Variants in ADGRE3 observed in about 807,000 individuals in gnomAD.
The protein encoded by ADGRE3 is adhesion G protein-coupled receptor E3.
A neutral mutation model predicts 80.1 loss-of-function variants in ADGRE3; 88 were observed. The observed-to-expected ratio is 1.10, with a 90% CI of 0.93 to 1.31. ADGRE3 has a LOEUF of 1.31. Among genes scored for constraint, ADGRE3 ranks in the 40% most tolerant of loss-of-function variants. The probability of loss-of-function intolerance (pLI) is 0.00; values close to 1 mark genes in which losing one functional copy is unlikely to be tolerated. For missense variants in ADGRE3, 715 were observed against 776.5 expected, an observed-to-expected ratio of 0.92 and a Z score of 0.94; for synonymous variants, 281 against 294.8, an observed-to-expected ratio of 0.95 and a Z score of 0.48.
chr19:14,662,371 G>T (rs535275267), intron 3 of ADGRE3, among the ~76,000 whole-genome samples: 1 of 152,114 alleles, frequency 6.6e-6, no homozygotes, highest in African/African-American at 2.4e-5. Flanking sequence ...GAGGGCAGTC[G>T]CGAAATGAAA....
At chr19:14,661,736 G>C (rs1265792060) in intron 4 of ADGRE3, among the ~76,000 whole-genome samples, 1 of 152,060 alleles carries the variant, frequency 6.6e-6, no homozygotes, top group Non-Finnish European at 1.5e-5. Flanking sequence ...GATGAGGAGC[G>C]TGGATCAAGA....
intron 8 of ADGRE3, among the ~76,000 whole-genome samples, chr19:14,646,897 AG>A (rs1363895090): frequency 6.6e-6 from 1 of 151,786 alleles, no homozygotes; most frequent in Non-Finnish European, 1.5e-5. Flanking sequence ...CAGCCTCCCG[AG>A]TAGCTGGAAG....
intron 14 of ADGRE3, among the ~76,000 whole-genome samples, chr19:14,628,154 C>A (rs1040947749): frequency 6.6e-6 from 1 of 150,778 alleles, no homozygotes; most frequent in Non-Finnish European, 1.5e-5. Flanking sequence ...AACAAAACAA[C>A]AAAAAAACGA....
At chr19:14,663,025 CA>C (rs1971996429) in intron 3 of ADGRE3, among the ~76,000 whole-genome samples, 1 of 151,630 alleles carries the variant, frequency 6.6e-6, no homozygotes, top group Non-Finnish European at 1.5e-5. Context: ...TTATTTTGAT[CA>C]GAGTCTCGAT....
intron 1 of ADGRE3, among the ~76,000 whole-genome samples, chr19:14,671,104 G>A (rs899861269): frequency 1.3e-5 from 2 of 152,210 alleles, no homozygotes; most frequent in African/African-American, 4.8e-5. Context: ...GGCTAACTGT[G>A]TGACTCTTCA....
intron 6 of ADGRE3, among the ~76,000 whole-genome samples, chr19:14,654,022 G>A (rs967636991): frequency 1.3e-5 from 2 of 148,776 alleles, no homozygotes; most frequent in African/African-American, 2.5e-5. Flanking sequence ...ATGTGATCTC[G>A]GCTCACTGCA....
intron 11 of ADGRE3, among the ~76,000 whole-genome samples, chr19:14,636,080 C>CT (rs1568481116): frequency 2.3e-5 from 1 of 42,622 alleles, no homozygotes; most frequent in Non-Finnish European, 4.7e-5. Flanking sequence ...CCTTTCCTTT[C>CT]CCTTTCTTTC....
chr19:14,648,218 T>G (rs1971470209), intron 7 of ADGRE3, among the ~76,000 whole-genome samples: 1 of 152,016 alleles, frequency 6.6e-6, no homozygotes, highest in African/African-American at 2.4e-5. Context: ...GTAGGTACGG[T>G]GGGCACCCTG....
intron 7 of ADGRE3, 22 bp downstream of exon 7, chr19:14,651,063 T>C: frequency 6.2e-6 from 10 of 1,613,814 alleles, no homozygotes; most frequent in Non-Finnish European, 8.5e-6. Context: ...TGAAGGATTC[T>C]GAATGCAGCC....
At chr19:14,605,982 C>G in the ADGRE3 span, among the ~76,000 whole-genome samples, 2 of 152,086 alleles carry the variant, frequency 1.3e-5, no homozygotes, top group Non-Finnish European at 1.5e-5. Context: ...TCAAGCGATC[C>G]TCCCTCCTTG....
At chr19:14,659,066 C>T (rs1186627791) in intron 4 of ADGRE3, among the ~76,000 whole-genome samples, 4 of 147,836 alleles carry the variant, frequency 2.7e-5, no homozygotes, top group African/African-American at 1.0e-4. Flanking sequence ...GATAGGGTCT[C>T]ATTCTGCTGC....
rs916325882 is a variant in ADGRE3 at position 14,665,055 on chromosome 19, A to ATT, written c.77-1517_77-1516dup. ...ACAGCTTCACATGTGGAGCAACCTC[A>ATT]TTTTTTTTTTTTTTTTTTTTTTTTT... is the stretch of plus-strand genomic sequence containing the variant. On this transcript the variant is annotated intron_variant, in intron 2 of 15. Transcript: ENST00000253673. Among the ~76,000 whole-genome samples, 206 of 89,824 alleles carry ATT rather than the reference A, an allele frequency of 2.3e-3. 10 individuals are homozygous for ATT. The highest frequency in any genetic ancestry group is 5.4e-3 in the Middle Eastern group (1 of 186). The allele number at this position is 89,824 out of a possible 152,430, so 58.9% of individuals were successfully genotyped here.
chr19:14,631,061 G>A (rs906507855), intron 13 of ADGRE3, among the ~76,000 whole-genome samples: 15 of 151,764 alleles, frequency 9.9e-5, no homozygotes, highest in Admixed American at 2.6e-4. Context: ...TAGTAGAGAA[G>A]GGGTTTCACC....
the ADGRE3 span, among the ~76,000 whole-genome samples, chr19:14,612,872 G>A: frequency 6.6e-6 from 1 of 151,900 alleles, no homozygotes; most frequent in Non-Finnish European, 1.5e-5. Flanking sequence ...TATTCCCTTT[G>A]GACAATCCCT....
At chr19:14,664,048 A>T (rs896472403) in intron 2 of ADGRE3, among the ~76,000 whole-genome samples, 17 of 151,326 alleles carry the variant, frequency 1.1e-4, no homozygotes, top group Non-Finnish European at 2.4e-4. Flanking sequence ...TCCTCTTGTG[A>T]GATCTAAGCA....
In ADGRE3 at chr19:14,620,525, A is replaced by AATAT. The variant is rs1196749565; in HGVS notation, c.1921-1058_1921-1055dup. Among the ~76,000 whole-genome samples the AATAT allele has an allele frequency of 3.4e-4, 10 of 29,422 alleles. No homozygotes were observed. In the South Asian group the frequency reaches 0.011, roughly 32 times the overall value. 19.3% of individuals were successfully genotyped at this position (29,422 alleles called of 152,430 possible). ...TATGAATATATTATGACTATATATG[A>AATAT]ATATATATATTTTATATATATATTA... On this transcript the variant is annotated intron_variant, in intron 15 of 15. Transcript: ENST00000253673.
intron 14 of ADGRE3, chr19:14,628,725 A>G: frequency 2.6e-6 from 1 of 384,666 alleles, no homozygotes. Context: ...TGGATCTATG[A>G]GTTTGCCCCT....
At chr19:14,634,069 G>A (rs1247841685) in intron 11 of ADGRE3, among the ~76,000 whole-genome samples, 3 of 151,986 alleles carry the variant, frequency 2.0e-5, no homozygotes, top group East Asian at 1.9e-4. Flanking sequence ...GAGCCACCAC[G>A]CCCGGCCAAC....
intron 11 of ADGRE3, among the ~76,000 whole-genome samples, chr19:14,637,075 C>T (rs1971110746): frequency 1.3e-5 from 2 of 152,062 alleles, no homozygotes; most frequent in African/African-American, 4.8e-5. Context: ...GCCTGGGCAA[C>T]AAGAGCGAAA....
Sources: gnomAD v4.1 joint callset for allele counts (sites outside exome capture counted in the v4.1 genomes callset) on GRCh38, gnomAD v4.1.1 for gene constraint, MANE v1.5 for transcripts, NCBI Gene and HGNC (gene_info 2026-07-23, HGNC 2026-07-21) for gene names.